RBFOX1: variants seen among roughly 807,000 people sequenced by gnomAD.
The protein encoded by RBFOX1 is RNA binding fox-1 homolog 1, also known as RNA binding protein fox-1 homolog 1.
In RBFOX1, 8 loss-of-function variants were observed where a neutral mutation model predicts 57.7. The ratio of observed to expected loss-of-function variants is 0.14; its 90% CI spans 0.08 to 0.25. The LOEUF is 0.25. Among genes scored for constraint, RBFOX1 ranks in the 10% least tolerant of loss-of-function variants. The probability of loss-of-function intolerance (pLI) is 1.00; values close to 1 mark genes in which losing one functional copy is unlikely to be tolerated. For synonymous variants in RBFOX1, 326 were observed against 222.4 expected, an observed-to-expected ratio of 1.47 and a Z score of -4.15; for missense variants, 611 against 548.5, an observed-to-expected ratio of 1.11 and a Z score of -1.14.
intron 1 of RBFOX1, among the ~76,000 whole-genome samples, chr16:5,271,607 C>G (rs1388981267): frequency 6.6e-6 from 1 of 152,254 alleles, no homozygotes; most frequent in Non-Finnish European, 1.5e-5. Flanking sequence ...TCATCTCTTA[C>G]TCTCACAGCA....
intron 3 of RBFOX1, among the ~76,000 whole-genome samples, chr16:5,736,074 C>T (rs924413206): frequency 2.6e-5 from 4 of 152,016 alleles, no homozygotes; most frequent in African/African-American, 9.7e-5. Flanking sequence ...GGGATTTGGA[C>T]GTCCATGACT....
chr16:6,020,405 G>T (rs988458901), intron 1 of RBFOX1, among the ~76,000 whole-genome samples: 1 of 152,166 alleles, frequency 6.6e-6, no homozygotes, highest in Non-Finnish European at 1.5e-5. Context: ...CGCCCGCAGG[G>T]TGTGCAGGAG....
chr16:5,519,963 A>G (rs923057684), intron 2 of RBFOX1, among the ~76,000 whole-genome samples: 33 of 152,268 alleles, frequency 2.2e-4, no homozygotes, highest in African/African-American at 7.0e-4. Context: ...AGGCAGATAT[A>G]TCTCCTGCCC....
At chr16:7,662,172 G>C (rs774336982) in intron 12 of RBFOX1, among the ~76,000 whole-genome samples, 2 of 152,180 alleles carry the variant, frequency 1.3e-5, no homozygotes, top group Non-Finnish European at 2.9e-5. Flanking sequence ...ATTTACAGAA[G>C]ATCAGAGACA....
chr16:6,655,448 T>C (rs966886866), intron 3 of RBFOX1, among the ~76,000 whole-genome samples: 1 of 140,442 alleles, frequency 7.1e-6, no homozygotes, highest in African/African-American at 2.6e-5. Context: ...CACATTCATA[T>C]GAGCAACAGC....
intron 4 of RBFOX1, among the ~76,000 whole-genome samples, chr16:7,198,545 A>T (rs1057187941): frequency 6.6e-6 from 1 of 152,228 alleles, no homozygotes; most frequent in African/African-American, 2.4e-5. Flanking sequence ...GGGTAACTTA[A>T]AAGCAATCAA....
At chr16:7,406,426 T>G (rs944028404) in intron 4 of RBFOX1, among the ~76,000 whole-genome samples, 3 of 152,224 alleles carry the variant, frequency 2.0e-5, no homozygotes, top group Admixed American at 6.5e-5. Context: ...CTTGTTTTCA[T>G]CCAGTCCCTT....
intron 2 of RBFOX1, among the ~76,000 whole-genome samples, chr16:6,400,825 G>A (rs975333706): frequency 6.6e-6 from 1 of 152,188 alleles, no homozygotes; most frequent in East Asian, 1.9e-4. Context: ...AACCCAGGAG[G>A]CAGAGGTTGC....
intron 1 of RBFOX1, among the ~76,000 whole-genome samples, chr16:6,046,980 G>T (rs963793432): frequency 1.3e-5 from 2 of 152,194 alleles, no homozygotes; most frequent in African/African-American, 4.8e-5. Context: ...GACATGTGCA[G>T]AGTTGGCATC....
intron 3 of RBFOX1, among the ~76,000 whole-genome samples, chr16:6,757,189 T>C (rs1008848166): frequency 2.0e-5 from 3 of 152,152 alleles, no homozygotes; most frequent in African/African-American, 7.2e-5. Context: ...TTTTATGCAC[T>C]GTTGGTTGGA....
intron 1 of RBFOX1, among the ~76,000 whole-genome samples, chr16:6,029,014 T>C (rs1255196867): frequency 1.3e-5 from 2 of 152,192 alleles, no homozygotes; most frequent in Non-Finnish European, 1.5e-5. Context: ...CAAATGATTC[T>C]GTCTCCAAGG....
At chr16:5,758,850 A>C (rs924990447) in intron 3 of RBFOX1, among the ~76,000 whole-genome samples, 2 of 152,166 alleles carry the variant, frequency 1.3e-5, no homozygotes, top group Non-Finnish European at 2.9e-5. Flanking sequence ...AGGTTTGTTA[A>C]TGTCCCACTG....
At chr16:6,580,298 T>G (rs2097518318) in intron 2 of RBFOX1, among the ~76,000 whole-genome samples, 1 of 152,178 alleles carries the variant, frequency 6.6e-6, no homozygotes, top group Non-Finnish European at 1.5e-5. Context: ...TTTGACTTTT[T>G]CCATCACAAA....
At position 5,476,234 on chromosome 16, in the gene RBFOX1, C is replaced by T. The variant is rs76978166; in HGVS notation, c.258+8980C>T. Among the ~76,000 whole-genome samples, 1,002 of 152,198 alleles carry T rather than the reference C, an allele frequency of 6.6e-3. 11 individuals carry two copies. The highest frequency in any genetic ancestry group is 0.023 in the African/African-American group (958 of 41,506). ...TAGCTGTTCTGCAGTGTACACATAT[C>T]GCAAAACATCATGTCATATACCATG... On this transcript the variant is annotated intron_variant, in intron 2 of 2. Transcript: ENST00000585867.
At chr16:7,001,123 C>A (rs922081490) in intron 3 of RBFOX1, among the ~76,000 whole-genome samples, 1 of 152,066 alleles carries the variant, frequency 6.6e-6, no homozygotes, top group Admixed American at 6.6e-5. Context: ...CTGTATCTTC[C>A]TTCATTTTTT....
chr16:6,027,224 T>A (rs540094771), intron 1 of RBFOX1, among the ~76,000 whole-genome samples: 2 of 152,296 alleles, frequency 1.3e-5, no homozygotes, highest in African/African-American at 4.8e-5. Flanking sequence ...GCTTCCTGTG[T>A]GTCATTTCAT....
intron 1 of RBFOX1, among the ~76,000 whole-genome samples, chr16:5,372,574 C>T (rs923369395): frequency 1.3e-5 from 2 of 152,136 alleles, no homozygotes; most frequent in African/African-American, 2.4e-5. Flanking sequence ...GTGGTTTAGC[C>T]GTGGAGGTGA....
At chr16:6,322,880 A>G (rs1009361424) in intron 2 of RBFOX1, among the ~76,000 whole-genome samples, 2 of 152,140 alleles carry the variant, frequency 1.3e-5, no homozygotes, top group Non-Finnish European at 2.9e-5. Context: ...TGTGGTCTGG[A>G]AGGACAAACT....
chr16:5,654,300 C>G (rs1286439871), intron 3 of RBFOX1, among the ~76,000 whole-genome samples: 3 of 152,266 alleles, frequency 2.0e-5, no homozygotes, highest in Admixed American at 1.3e-4. Flanking sequence ...TTCTGGGAGC[C>G]AAGTGTTGAA....
Sources: allele counts gnomAD v4.1 joint callset (sites outside exome capture counted in the v4.1 genomes callset), GRCh38; gene constraint gnomAD v4.1.1; transcripts MANE v1.5; gene names NCBI Gene and HGNC (gene_info 2026-07-23, HGNC 2026-07-21).